SLC4A10: variants seen among roughly 807,000 people sequenced by gnomAD.
SLC4A10 encodes sodium-driven chloride bicarbonate exchanger.
SLC4A10 carries 42 observed loss-of-function variants against 137.7 expected under a neutral mutation model. The ratio of observed to expected loss-of-function variants is 0.30; its 90% CI spans 0.24 to 0.39. The LOEUF (loss-of-function observed/expected upper bound fraction) is 0.39, where lower values mean the gene tolerates loss of function less well. Among genes scored for constraint, SLC4A10 ranks in the 10% least tolerant of loss-of-function variants. The pLI is 1.00. For missense variants in SLC4A10, 925 were observed against 1,355.0 expected, an observed-to-expected ratio of 0.68 and a Z score of 4.98; for synonymous variants, 474 against 464.1, an observed-to-expected ratio of 1.02 and a Z score of -0.27.
At chr2:161,965,827 A>G (rs1468057381) in intron 23 of SLC4A10, among the ~76,000 whole-genome samples, 1 of 152,144 alleles carries the variant, frequency 6.6e-6, no homozygotes, top group Non-Finnish European at 1.5e-5. Context: ...GCCTGAGTCT[A>G]TTTTGAAAGC....
At chr2:161,864,477 A>G (rs2125897728) in intron 6 of SLC4A10, among the ~76,000 whole-genome samples, 1 of 152,286 alleles carries the variant, frequency 6.6e-6, no homozygotes, top group East Asian at 1.9e-4. Flanking sequence ...TATTAAATAG[A>G]TAAAGATGAT....
intron 6 of SLC4A10, among the ~76,000 whole-genome samples, chr2:161,871,203 C>T (rs2061096309): frequency 6.6e-6 from 1 of 151,484 alleles, no homozygotes; most frequent in Non-Finnish European, 1.5e-5. Flanking sequence ...CAGTCAGAGA[C>T]TGAAGTGATT....
intron 15 of SLC4A10, among the ~76,000 whole-genome samples, chr2:161,942,040 G>C (rs1367182019): frequency 6.6e-6 from 1 of 152,134 alleles, no homozygotes; most frequent in Non-Finnish European, 1.5e-5. Context: ...AAGGCAGAAG[G>C]GAGACTGTTG....
At chr2:161,692,559 A>G (rs1318622150) in intron 1 of SLC4A10, among the ~76,000 whole-genome samples, 1 of 152,102 alleles carries the variant, frequency 6.6e-6, no homozygotes, top group East Asian at 1.9e-4. Flanking sequence ...CCAAGCCTAA[A>G]ATAGCTTAAT....
intron 3 of SLC4A10, among the ~76,000 whole-genome samples, chr2:161,821,355 G>C (rs553738176): frequency 4.6e-5 from 7 of 152,272 alleles, no homozygotes; most frequent in Admixed American, 4.6e-4. Flanking sequence ...TATAGAAGCA[G>C]ACCCATATCT....
intron 1 of SLC4A10, among the ~76,000 whole-genome samples, chr2:161,673,485 C>CA (rs1461999415): frequency 6.6e-6 from 1 of 151,978 alleles, no homozygotes; most frequent in Non-Finnish European, 1.5e-5. Context: ...AATGCTTTTT[C>CA]AAAATTCTAT....
intron 15 of SLC4A10, among the ~76,000 whole-genome samples, chr2:161,909,162 A>G (rs1348068934): frequency 3.3e-5 from 5 of 151,644 alleles, no homozygotes; most frequent in Admixed American, 2.6e-4. Flanking sequence ...CAGCACACCA[A>G]CATGGCACAT....
chr2:161,918,442 C>T (rs1687521422), intron 15 of SLC4A10, among the ~76,000 whole-genome samples: 1 of 152,020 alleles, frequency 6.6e-6, no homozygotes, highest in Non-Finnish European at 1.5e-5. Flanking sequence ...AGATGTGAGC[C>T]ACCACACCTG....
intron 1 of SLC4A10, among the ~76,000 whole-genome samples, chr2:161,738,397 G>A (rs1177722013): frequency 1.3e-5 from 2 of 152,146 alleles, no homozygotes. Context: ...ACTGTCTCAT[G>A]GTTGGAGAGG....
chr2:161,974,316 G>A lies in SLC4A10; in HGVS notation c.3227G>A (p.Arg1076Lys), dbSNP rs182913811. ...CAACTCCCATTGGAAGGGCACTATA[G>A]GTAAGACATAAATTTAAAAACACAT... ...TVQLPLEGHYRDDPSVINISD... is the reference protein window; with the variant it reads ...TVQLPLEGHYKDDPSVINISD... The change falls in exon 24 of 27, where the codon AGA becomes AAA. Residue 1076 changes from arginine to lysine, a missense_variant and splice_region_variant. This residue lies in a region of SLC4A10 where 84 missense variants were observed against 76.9 expected (regional missense o/e 1.09). Transcript: ENST00000446997. 42 of 1,600,360 alleles carry A rather than the reference G, an allele frequency of 2.6e-5. 1 individual carries two copies. The Admixed American group carries it at 5.7e-4, about 22-fold the overall frequency.
At chr2:161,797,256 C>T (rs1309718722) in intron 2 of SLC4A10, among the ~76,000 whole-genome samples, 1 of 152,016 alleles carries the variant, frequency 6.6e-6, no homozygotes, top group Non-Finnish European at 1.5e-5. Context: ...TGTTTTTGCT[C>T]ACGTTATCTC....
At position 161,873,964 on chromosome 2, in the gene SLC4A10, C is replaced by A; in HGVS notation, c.907C>A (p.Gln303Lys). 1 of 1,594,846 alleles carries A rather than the reference C, an allele frequency of 6.3e-7. No homozygotes were observed. The highest frequency in any genetic ancestry group is 8.5e-7 in the Non-Finnish European group (1 of 1,178,188). Residue 303 changes from glutamine (Q) to lysine (K), a missense_variant, in exon 8 of 27, where the codon CAA becomes AAA. Around this residue, in one of 11 missense-constraint regions of SLC4A10, gnomAD observed 277 missense variants for 306.1 expected, o/e 0.90. Coordinates refer to ENST00000446997, the MANE Select transcript of SLC4A10 (RefSeq NM_001178015.2). ...GCATACTAGTCCATGTGGGATGAAA[C>A]AAAGGCATGAAAAAGGACCTCCACA... ...KGHTSPCGMK[Q>K]RHEKGPPHQQ...
chr2:161,793,516 C>T (rs547516882), intron 2 of SLC4A10, among the ~76,000 whole-genome samples: 23 of 146,774 alleles, frequency 1.6e-4, no homozygotes, highest in Non-Finnish European at 3.0e-4. Flanking sequence ...TTCTATCTTT[C>T]CTCTTCCTCA....
chr2:161,668,786 G>A (rs1025256324), intron 1 of SLC4A10, among the ~76,000 whole-genome samples: 2 of 151,772 alleles, frequency 1.3e-5, no homozygotes, highest in Non-Finnish European at 3.0e-5. Context: ...TTTTAGCAGA[G>A]TCTTTTATAG....
At chr2:161,869,422 A>C (rs932440961) in intron 6 of SLC4A10, among the ~76,000 whole-genome samples, 1 of 151,682 alleles carries the variant, frequency 6.6e-6, no homozygotes, top group Non-Finnish European at 1.5e-5. Context: ...TTAAACAATG[A>C]TTACAATTGA....
intron 2 of SLC4A10, among the ~76,000 whole-genome samples, chr2:161,773,288 C>T (rs1242502281): frequency 2.0e-5 from 3 of 151,720 alleles, no homozygotes; most frequent in African/African-American, 7.3e-5. Flanking sequence ...GACAGTGGAG[C>T]TCTCATGACC....
chr2:161,660,892 C>A (rs922471810), intron 1 of SLC4A10, among the ~76,000 whole-genome samples: 13 of 151,224 alleles, frequency 8.6e-5, no homozygotes, highest in African/African-American at 3.2e-4. Context: ...GATCTCCTGA[C>A]CTAGTGATCC....
intron 1 of SLC4A10, among the ~76,000 whole-genome samples, chr2:161,637,426 C>T (rs1262440416): frequency 2.0e-5 from 3 of 152,032 alleles, no homozygotes. Context: ...GTCTCGAACT[C>T]CTGACCTCAG....
intron 1 of SLC4A10, among the ~76,000 whole-genome samples, chr2:161,654,811 G>T (rs1342156395): frequency 6.6e-6 from 1 of 151,940 alleles, no homozygotes. Flanking sequence ...AGGGAGTGTG[G>T]TGCCTCCAGT....
Sources: allele counts gnomAD v4.1 joint callset (sites outside exome capture counted in the v4.1 genomes callset), GRCh38; gene constraint gnomAD v4.1.1; regional missense constraint gnomAD v4.1.1; transcripts MANE v1.5; gene names NCBI Gene and HGNC (gene_info 2026-07-23, HGNC 2026-07-21).